Variants in ADAMTS12 observed in about 807,000 individuals in gnomAD.
ADAMTS12 encodes the protein ADAM metallopeptidase with thrombospondin type 1 motif 12.
A neutral mutation model predicts 167.8 loss-of-function variants in ADAMTS12; 118 were observed. The ratio of observed to expected loss-of-function variants is 0.70; its 90% CI spans 0.61 to 0.82. The LOEUF (loss-of-function observed/expected upper bound fraction) is 0.82. Among genes scored for constraint, ADAMTS12 ranks in the 40% least tolerant of loss-of-function variants. The pLI, the probability that ADAMTS12 is intolerant of heterozygous loss-of-function variation, is 0.00. For missense variants in ADAMTS12, 1,916 were observed against 1,998.8 expected (o/e 0.96, Z 0.79); for synonymous variants, 704 against 716.9 (o/e 0.98, Z 0.29).
intron 3 of ADAMTS12, among the ~76,000 whole-genome samples, chr5:33,726,373 T>G (rs1437046555): frequency 6.6e-6 from 1 of 152,086 alleles, no homozygotes. Context: ...GCCAGTCAAC[T>G]CACCACCAAA....
intron 3 of ADAMTS12, among the ~76,000 whole-genome samples, chr5:33,686,765 CTA>C (rs111686215): frequency 5.5e-5 from 8 of 146,028 alleles, no homozygotes; most frequent in Admixed American, 1.4e-4. Context: ...ACCTCTCTCT[CTA>C]TATATATATA....
At chr5:33,611,904 A>G (rs575434268) in intron 16 of ADAMTS12, among the ~76,000 whole-genome samples, 1 of 152,362 alleles carries the variant, frequency 6.6e-6, no homozygotes, top group Non-Finnish European at 1.5e-5. Flanking sequence ...AAAGGAAAGA[A>G]AAGCAAAGTA....
In ADAMTS12 at chr5:33,737,730, A is replaced by G. The variant is rs191423582; in HGVS notation, c.634+13674T>C. Among the ~76,000 whole-genome samples the G allele has an allele frequency of 2.6e-4, 39 of 152,350 alleles. No homozygotes were observed. In the East Asian group the frequency reaches 6.2e-3, roughly 24 times the overall value. ...TCTCACTAACTGAGATTTACAAAAT[A>G]TCATAAATAGCCTCATGTTAATTCA... On this transcript the variant is annotated intron_variant, in intron 3 of 23. Coordinates refer to ENST00000504830, the MANE Select transcript of ADAMTS12 (RefSeq NM_030955.4).
In ADAMTS12 at chr5:33,606,548, G is replaced by T. The variant is rs184192940; in HGVS notation, c.2527+7690C>A. ...CGTGCCCACTCTAGCCACTTGATCT[G>T]CAGACAACTTACCTTTGAATGCATT... On this transcript the variant is annotated intron_variant, in intron 16 of 23. Transcript: ENST00000504830. 2.6e-5 allele frequency among the ~76,000 whole-genome samples: 4 copies of T among 152,316 alleles called. No homozygotes were observed. In the East Asian group the frequency reaches 5.8e-4, roughly 22 times the overall value.
intron 2 of ADAMTS12, among the ~76,000 whole-genome samples, chr5:33,835,586 A>T (rs1433343821): frequency 1.3e-5 from 2 of 152,222 alleles, no homozygotes; most frequent in African/African-American, 2.4e-5. Flanking sequence ...GTGTCCTCAC[A>T]TGATGGAAGA....
intron 19 of ADAMTS12, among the ~76,000 whole-genome samples, 185 bp from the exon 20 acceptor site, chr5:33,561,364 C>G (rs1036841066): frequency 6.6e-6 from 1 of 152,218 alleles, no homozygotes; most frequent in Non-Finnish European, 1.5e-5. Context: ...TGGGGTAGGA[C>G]CCGGGGATGC....
Position 33,864,681 on chromosome 5 carries a change from C to G in ADAMTS12, c.489+16438G>C, listed in dbSNP as rs185764929. 1.3e-3 allele frequency among the ~76,000 whole-genome samples: 205 copies of G among 152,240 alleles called. 1 individual carries two copies. Among genetic ancestry groups the G allele is most frequent in the Admixed American group, 2.4e-3 (36 of 15,282 alleles). The stretch of plus-strand genomic sequence containing the variant: ...CCATAAAAAAAGGATTAGTTCATGT[C>G]CTTTGCAGGGACATGGATGAAGGTG... On this transcript the variant is annotated intron_variant, in intron 2 of 23. Transcript: ENST00000504830.
rs201911187 is a variant in ADAMTS12, at chr5:33,542,121, CA to C, written c.4446+3937del. On this transcript the variant is annotated intron_variant, in intron 22 of 23. Transcript: ENST00000504830. Reference sequence around the variant, plus strand: ...TCACATGCAGAGAAACACATAGGCTCAAAAAAAAAGGGATGGAGGAAGATCT... The same window carrying C: ...TCACATGCAGAGAAACACATAGGCTCAAAAAAAAGGGATGGAGGAAGATCT... 1.8e-3 allele frequency among the ~76,000 whole-genome samples: 254 copies of C among 143,492 alleles called. 8 individuals are homozygous for C. The East Asian group carries it at 0.046, about 26-fold the overall frequency. The allele number at this position is 143,492 out of a possible 152,430, so 94.1% of individuals were successfully genotyped here. A position where few individuals can be genotyped will look rare whatever the true frequency, so the allele number is the denominator to read the frequency against.
chr5:33,852,325 G>A (rs1176423123), intron 2 of ADAMTS12, among the ~76,000 whole-genome samples: 2 of 152,270 alleles, frequency 1.3e-5, no homozygotes, highest in South Asian at 2.1e-4. Context: ...AGGCTGCTTG[G>A]AAGAAAGATA....
At chr5:33,854,625 C>T (rs1347923856) in intron 2 of ADAMTS12, among the ~76,000 whole-genome samples, 1 of 152,206 alleles carries the variant, frequency 6.6e-6, no homozygotes, top group Non-Finnish European at 1.5e-5. Context: ...TTCTTCAATT[C>T]TATCCCTCCC....
chr5:33,741,066 C>G (rs990175939), intron 3 of ADAMTS12, among the ~76,000 whole-genome samples: 18 of 152,214 alleles, frequency 1.2e-4, no homozygotes, highest in Non-Finnish European at 2.6e-4. Context: ...ATGCAGCCAG[C>G]CCTGAAAAAA....
Position 33,679,704 on chromosome 5 carries a change from C to T in ADAMTS12, c.915+3314G>A, listed in dbSNP as rs6887875. ...CAACTTGAAATGTGCTATTTTTGTG[C>T]TTTTGTGCAGTAGACTCAAAGTTCC... is the stretch of plus-strand genomic sequence containing the variant. On this transcript the variant is annotated intron_variant, in intron 5 of 23. Coordinates refer to ENST00000504830, the MANE Select transcript of ADAMTS12 (RefSeq NM_030955.4). 3.8e-3 allele frequency among the ~76,000 whole-genome samples: 574 copies of T among 152,280 alleles called. 5 individuals are homozygous for T. Among genetic ancestry groups the T allele is most frequent in the African/African-American group, 0.013 (557 of 41,566 alleles).
intron 5 of ADAMTS12, among the ~76,000 whole-genome samples, chr5:33,671,391 T>C (rs935480736): frequency 6.6e-6 from 1 of 152,174 alleles, no homozygotes; most frequent in African/African-American, 2.4e-5. Flanking sequence ...CATATTGTAC[T>C]AAGATTACAC....
At chr5:33,595,316 G>A (rs67332343) in intron 17 of ADAMTS12, among the ~76,000 whole-genome samples, 3,813 of 152,136 alleles carry the variant, frequency 0.025, 97 homozygotes, top group African/African-American at 0.063. Context: ...ATTTTACCCC[G>A]TAGTGGAAAT....
At chr5:33,745,600 G>C (rs1029152317) in intron 3 of ADAMTS12, among the ~76,000 whole-genome samples, 2 of 152,118 alleles carry the variant, frequency 1.3e-5, no homozygotes, top group African/African-American at 4.8e-5. Context: ...AGCAGATGTT[G>C]TGTTTCCTGG....
Position 33,816,282 on chromosome 5 carries a change from A to T in ADAMTS12, c.490-64734T>A, listed in dbSNP as rs140259150. ...ATAATTAAATCAAGCCAGTGAACAC[A>T]TCCATCATCTCAAATGCAGTACCTA... On this transcript the variant is annotated intron_variant, in intron 2 of 23. Transcript: ENST00000504830. Among the ~76,000 whole-genome samples, 466 of 152,350 alleles carry T rather than the reference A, an allele frequency of 3.1e-3. 6 individuals carry two copies. The highest frequency in any genetic ancestry group is 0.011 in the African/African-American group (452 of 41,578).
In ADAMTS12 at chr5:33,751,486, C is replaced by T; in HGVS notation, c.552G>A (p.Leu184=). 6.2e-7 allele frequency: 1 copy of T among 1,614,122 alleles called. No homozygotes were observed. The highest frequency in any genetic ancestry group is 1.3e-5 in the African/African-American group (1 of 75,028). Reference sequence around the variant, plus strand: ...TGTGCGGGTGGTACCCTCCCTCAACCAGTGGATGCTTCTTCACGGGTTCAA... The same window carrying T: ...TGTGCGGGTGGTACCCTCCCTCAACTAGTGGATGCTTCTTCACGGGTTCAA... ...FFIEPVKKHP[L]VEGGYHPHIV... is the part of the protein sequence containing the mutation. The change falls in exon 3 of 24, where the codon CTG becomes CTA. Residue 184 remains leucine, a synonymous_variant. Coordinates refer to ENST00000504830, the MANE Select transcript of ADAMTS12 (RefSeq NM_030955.4).
chr5:33,676,381 G>A (rs146992404), intron 5 of ADAMTS12, among the ~76,000 whole-genome samples: 2 of 152,272 alleles, frequency 1.3e-5, no homozygotes, highest in African/African-American at 4.8e-5. Flanking sequence ...GAAAGAGGAT[G>A]AGCAGAGAAG....
At chr5:33,616,101 A>G (rs1260107826) in intron 14 of ADAMTS12, 29 bp from the exon 15 acceptor site, 8 of 1,609,678 alleles carry the variant, frequency 5.0e-6, no homozygotes, top group Non-Finnish European at 6.8e-6. Context: ...ATCATGAAAG[A>G]GGCACGCCAG....
Sources: gnomAD v4.1 joint callset for allele counts (sites outside exome capture counted in the v4.1 genomes callset) on GRCh38, gnomAD v4.1.1 for gene constraint, MANE v1.5 for transcripts, NCBI Gene and HGNC (gene_info 2026-07-23, HGNC 2026-07-21) for gene names.